SLC35F3: variants seen among roughly 807,000 people sequenced by gnomAD.
SLC35F3 encodes putative thiamine transporter SLC35F3.
Under a neutral mutation model 49.9 loss-of-function variants are expected in SLC35F3, and 25 were observed. That is an observed-to-expected ratio of 0.50 (90% CI 0.37 to 0.70). The LOEUF is 0.70. Among genes scored for constraint, SLC35F3 ranks in the 30% least tolerant of loss-of-function variants. The probability of loss-of-function intolerance (pLI) is 0.00; values close to 1 mark genes in which losing one functional copy is unlikely to be tolerated. For synonymous variants in SLC35F3, 275 were observed against 265.4 expected, an observed-to-expected ratio of 1.04 and a Z score of -0.35; for missense variants, 525 against 639.8, an observed-to-expected ratio of 0.82 and a Z score of 1.94.
At chr1:234,060,556 C>T (rs1664525419) in intron 2 of SLC35F3, among the ~76,000 whole-genome samples, 1 of 152,158 alleles carries the variant, frequency 6.6e-6, no homozygotes, top group Non-Finnish European at 1.5e-5. Context: ...AAGTGATCTT[C>T]CCATCTCAGC....
chr1:234,231,780 GC>G lies in SLC35F3; in HGVS notation c.608+40del, dbSNP rs756432431. 13 of 1,559,462 alleles carry G rather than the reference GC, an allele frequency of 8.3e-6. No individual in the cohort carries two copies. Among genetic ancestry groups the G allele is most frequent in the Non-Finnish European group, 1.1e-5 (13 of 1,146,534 alleles). On this transcript the variant is annotated intron_variant, in intron 3 of 7. Transcript: ENST00000366618. The surrounding 1 kb of genome is among the most constrained non-coding windows in gnomAD (Gnocchi z 5.4). Reference sequence around the variant, plus strand: ...GCATGAGGAGGCCTCCTGACCCCGGGCTGCTCCATCCAGCGCTGACTCTGCA... The same window carrying G: ...GCATGAGGAGGCCTCCTGACCCCGGGTGCTCCATCCAGCGCTGACTCTGCA...
chr1:234,070,474 G>A (rs1664696347), intron 2 of SLC35F3, among the ~76,000 whole-genome samples: 1 of 152,176 alleles, frequency 6.6e-6, no homozygotes, highest in Non-Finnish European at 1.5e-5. Flanking sequence ...ATTTTTTAAA[G>A]TATGTATTCC....
rs573621031 is a variant in SLC35F3, at chr1:234,267,644, C to A, written c.608+35903C>A. On this transcript the variant is annotated intron_variant, in intron 3 of 7. Transcript: ENST00000366618. Reference sequence around the variant, plus strand: ...TGGCCAGGCGGGGGGCTGACCCCCCCACCTCCCTCCCGGACGGGGCGGCTG... The same window carrying A: ...TGGCCAGGCGGGGGGCTGACCCCCCAACCTCCCTCCCGGACGGGGCGGCTG... Among the ~76,000 whole-genome samples the A allele has an allele frequency of 6.2e-3, 936 of 151,522 alleles. 13 individuals carry two copies. Among genetic ancestry groups the A allele is most frequent in the African/African-American group, 0.02 (836 of 41,106 alleles).
chr1:234,086,186 A>G (rs1038719045), intron 2 of SLC35F3, among the ~76,000 whole-genome samples: 7 of 152,238 alleles, frequency 4.6e-5, no homozygotes, highest in Non-Finnish European at 8.8e-5. Context: ...GTACCCCTGT[A>G]TGCTGCATTC....
intron 2 of SLC35F3, among the ~76,000 whole-genome samples, chr1:234,094,837 G>A (rs1258851582): frequency 6.6e-6 from 1 of 152,186 alleles, no homozygotes; most frequent in Non-Finnish European, 1.5e-5. Context: ...AATGGCAGGA[G>A]AGATCAATGG....
intron 2 of SLC35F3, among the ~76,000 whole-genome samples, chr1:234,197,286 C>T (rs963154839): frequency 2.6e-5 from 4 of 152,096 alleles, no homozygotes; most frequent in African/African-American, 9.7e-5. Flanking sequence ...TTTGGGCAGC[C>T]TTGAGTTTTC....
chr1:234,231,337 A>G lies in SLC35F3; in HGVS notation c.284-80A>G. The G allele has an allele frequency of 8.1e-7, 1 of 1,229,694 alleles. No homozygotes were observed. The highest frequency in any genetic ancestry group is 1.1e-6 in the Non-Finnish European group (1 of 912,292). The allele number at this position is 1,229,694 out of a possible 1,614,324, so 76.2% of individuals were successfully genotyped here. The stretch of plus-strand genomic sequence containing the variant: ...GGGCCCCCAGGTAGCTGGTGGTGAC[A>G]ATGGCTGCAGGGCAGCGCCCTGCGA... On this transcript the variant is annotated intron_variant, in intron 2 of 7. Coordinates refer to ENST00000366618, the MANE Select transcript of SLC35F3 (RefSeq NM_173508.4). This position sits in a 1 kb window ranked among gnomAD's most constrained non-coding sequence, Gnocchi z 5.4.
intron 7 of SLC35F3, among the ~76,000 whole-genome samples, chr1:234,322,169 G>C (rs552892503): frequency 1.3e-5 from 2 of 150,026 alleles, no homozygotes; most frequent in Non-Finnish European, 3.0e-5. Flanking sequence ...ACTCCAGCTT[G>C]TGTGACAGAG....
At chr1:234,108,421 T>TTA (rs1361499595) in intron 2 of SLC35F3, among the ~76,000 whole-genome samples, 19 of 96,962 alleles carry the variant, frequency 2.0e-4, no homozygotes, top group Non-Finnish European at 3.4e-4. Context: ...TATATATTAT[T>TTA]TATATATAAA....
intron 2 of SLC35F3, among the ~76,000 whole-genome samples, chr1:234,150,790 G>A (rs1032295294): frequency 2.0e-5 from 3 of 152,134 alleles, no homozygotes; most frequent in Non-Finnish European, 4.4e-5. Flanking sequence ...ATATATTCCC[G>A]GCACCCCAGA....
At chr1:234,300,756 G>A (rs1668680428) in intron 3 of SLC35F3, among the ~76,000 whole-genome samples, 2 of 152,332 alleles carry the variant, frequency 1.3e-5, no homozygotes, top group South Asian at 2.1e-4. Context: ...CTAAGGGAAG[G>A]CCAGGGAAGA....
intron 3 of SLC35F3, among the ~76,000 whole-genome samples, chr1:234,269,314 G>A (rs983612341): frequency 9.9e-5 from 15 of 152,180 alleles, no homozygotes; most frequent in African/African-American, 2.2e-4. Context: ...CTGAGAGATG[G>A]TGTCTAAAGG....
chr1:233,974,527 C>G (rs1056436750), intron 2 of SLC35F3, among the ~76,000 whole-genome samples: 1 of 152,124 alleles, frequency 6.6e-6, no homozygotes, highest in Non-Finnish European at 1.5e-5. Flanking sequence ...ATACTGGAAA[C>G]CAAATTGTGT....
intron 2 of SLC35F3, among the ~76,000 whole-genome samples, chr1:234,224,530 T>A (rs1195418829): frequency 6.6e-5 from 10 of 152,220 alleles, no homozygotes; most frequent in Non-Finnish European, 1.5e-4. Flanking sequence ...ACACTCAGTC[T>A]TTTCCATGTT....
At chr1:234,238,227 A>C (rs1667504594) in intron 3 of SLC35F3, among the ~76,000 whole-genome samples, 2 of 152,220 alleles carry the variant, frequency 1.3e-5, no homozygotes, top group African/African-American at 4.8e-5. Context: ...TATAGCCAGG[A>C]GATTTTGCTA....
At chr1:234,157,756 A>G (rs569448097) in intron 2 of SLC35F3, among the ~76,000 whole-genome samples, 7 of 152,296 alleles carry the variant, frequency 4.6e-5, no homozygotes, top group African/African-American at 1.7e-4. Context: ...CACGTGCAGA[A>G]ACTTGATGAA....
intron 2 of SLC35F3, among the ~76,000 whole-genome samples, chr1:234,135,744 A>G (rs566301436): frequency 5.3e-5 from 8 of 152,362 alleles, no homozygotes; most frequent in African/African-American, 1.2e-4. Flanking sequence ...TCTGCCTTGC[A>G]TGAGGCATTC....
At chr1:233,972,471 C>T (rs914067278) in intron 2 of SLC35F3, among the ~76,000 whole-genome samples, 1 of 152,172 alleles carries the variant, frequency 6.6e-6, no homozygotes, top group Non-Finnish European at 1.5e-5. Context: ...TGAGTCCTAG[C>T]TCCACCTTCT....
rs373683818 is a variant in SLC35F3, at chr1:234,044,513, T to G, written c.283+138755T>G. 5.9e-5 allele frequency among the ~76,000 whole-genome samples: 9 copies of G among 152,338 alleles called. No homozygotes were observed. The East Asian group carries it at 1.5e-3, about 26-fold the overall frequency. On this transcript the variant is annotated intron_variant, in intron 2 of 7. Transcript: ENST00000366618. The stretch of plus-strand genomic sequence containing the variant: ...TATGTTCCTTTGACTTTTCTAGATA[T>G]TGCCAAATTGCTGTGCAGAGTAGCC...
Sources: allele counts gnomAD v4.1 joint callset (sites outside exome capture counted in the v4.1 genomes callset), GRCh38; gene constraint gnomAD v4.1.1; non-coding constraint Gnocchi (gnomAD v3.1); transcripts MANE v1.5; gene names NCBI Gene and HGNC (gene_info 2026-07-23, HGNC 2026-07-21).